Variants in SHISAL2A observed in about 807,000 individuals in gnomAD.
SHISAL2A encodes shisa like 2A.
In SHISAL2A, 18 loss-of-function variants were observed where a neutral mutation model predicts 11.5. The ratio of observed to expected loss-of-function variants is 1.57; its 90% CI spans 1.08 to 2.33. SHISAL2A has a LOEUF of 2.33. Ranked by LOEUF, SHISAL2A falls within the 30% of genes most tolerant of loss-of-function variation. The probability of loss-of-function intolerance (pLI) is 0.00; values close to 1 mark genes in which losing one functional copy is unlikely to be tolerated. For synonymous variants in SHISAL2A, 94 were observed against 99.6 expected (o/e 0.94, Z 0.34); for missense variants, 261 against 250.9 (o/e 1.04, Z -0.27).
chr1:52,641,395 A>G (rs1342993876), intron 1 of SHISAL2A, among the ~76,000 whole-genome samples: 1 of 152,178 alleles, frequency 6.6e-6, no homozygotes, highest in Non-Finnish European at 1.5e-5. Context: ...TGGTTCCAGA[A>G]TTGATGGTGT....
intron 4 of SHISAL2A, chr1:52,667,373 TG>T: frequency 1.0e-6 from 1 of 983,550 alleles, no homozygotes; most frequent in Non-Finnish European, 1.2e-6. Context: ...TTCAAAGATT[TG>T]TTCACATTCT....
chr1:52,645,019 A>G (rs1691465613), intron 2 of SHISAL2A, among the ~76,000 whole-genome samples: 1 of 141,426 alleles, frequency 7.1e-6, no homozygotes, highest in African/African-American at 2.7e-5. Context: ...TCTGTCTCCA[A>G]AAAAAAAAAA....
At chr1:52,650,118 A>G (rs1259286623) in intron 2 of SHISAL2A, among the ~76,000 whole-genome samples, 2 of 152,186 alleles carry the variant, frequency 1.3e-5, no homozygotes, top group Non-Finnish European at 1.5e-5. Context: ...AGGCTCAGTC[A>G]TGTCACCCCA....
chr1:52,636,873 G>A (rs1254574219), intron 1 of SHISAL2A, among the ~76,000 whole-genome samples: 1 of 152,172 alleles, frequency 6.6e-6, no homozygotes, highest in Non-Finnish European at 1.5e-5. Context: ...TTAACAACCT[G>A]ATCCACTCAG....
intron 2 of SHISAL2A, among the ~76,000 whole-genome samples, chr1:52,645,088 A>G (rs1005058519): frequency 2.0e-5 from 3 of 152,010 alleles, no homozygotes; most frequent in African/African-American, 7.2e-5. Context: ...TAGAAGGGGC[A>G]AGGTGGGTAG....
At chr1:52,635,206 TATTC>T (rs1374829160) in intron 1 of SHISAL2A, among the ~76,000 whole-genome samples, 1 of 152,210 alleles carries the variant, frequency 6.6e-6, no homozygotes, top group African/African-American at 2.4e-5. Context: ...GATACAATGG[TATTC>T]ACTTGACAAG....
At chr1:52,644,972 G>A (rs1418994837) in intron 2 of SHISAL2A, among the ~76,000 whole-genome samples, 2 of 150,690 alleles carry the variant, frequency 1.3e-5, no homozygotes, top group Non-Finnish European at 3.0e-5. Flanking sequence ...AGCAGAAATT[G>A]CGCCACTGCA....
chr1:52,637,789 GACT>G (rs1031643910), intron 1 of SHISAL2A, among the ~76,000 whole-genome samples: 63 of 152,294 alleles, frequency 4.1e-4, no homozygotes, highest in African/African-American at 1.5e-3. Flanking sequence ...AGAACTACCT[GACT>G]CCAAAGCCCT....
chr1:52,662,242 A>G (rs1571704261), intron 4 of SHISAL2A, among the ~76,000 whole-genome samples: 1 of 152,302 alleles, frequency 6.6e-6, no homozygotes, highest in East Asian at 1.9e-4. Flanking sequence ...TGGAGGAAGC[A>G]GGGGTTGAAC....
chr1:52,652,233 G>C (rs1015115738), intron 2 of SHISAL2A, among the ~76,000 whole-genome samples: 5 of 152,170 alleles, frequency 3.3e-5, no homozygotes, highest in Admixed American at 3.3e-4. Flanking sequence ...GGTTGTTCTG[G>C]GACAAGAGGA....
chr1:52,645,862 G>A (rs1052530195), intron 2 of SHISAL2A, among the ~76,000 whole-genome samples: 13 of 152,220 alleles, frequency 8.5e-5, no homozygotes, highest in African/African-American at 2.9e-4. Context: ...ATGTTTCATG[G>A]AATTTGTCAA....
At chr1:52,666,355 G>A (rs913505528) in intron 4 of SHISAL2A, among the ~76,000 whole-genome samples, 7 of 152,072 alleles carry the variant, frequency 4.6e-5, no homozygotes, top group African/African-American at 1.7e-4. Flanking sequence ...GGGAGGCTGA[G>A]GCAGGAGAAT....
At chr1:52,649,563 C>G (rs1691580851) in intron 2 of SHISAL2A, among the ~76,000 whole-genome samples, 1 of 152,202 alleles carries the variant, frequency 6.6e-6, no homozygotes, top group Admixed American at 6.5e-5. Context: ...CACACCCATC[C>G]CATCCCCAAA....
intron 2 of SHISAL2A, among the ~76,000 whole-genome samples, chr1:52,645,583 A>AT (rs1357155353): frequency 4.6e-5 from 7 of 151,472 alleles, no homozygotes; most frequent in African/African-American, 1.7e-4. Flanking sequence ...AATTTTTTGT[A>AT]TTTTTAGTAG....
chr1:52,641,315 G>T (rs962431050), intron 1 of SHISAL2A, among the ~76,000 whole-genome samples: 4 of 152,178 alleles, frequency 2.6e-5, no homozygotes, highest in African/African-American at 9.7e-5. Context: ...CAATTGGTAT[G>T]GGAGGGCAGG....
At chr1:52,643,127 C>A in intron 2 of SHISAL2A, 125 bp downstream of exon 2, 1 of 912,284 alleles carries the variant, frequency 1.1e-6, no homozygotes, top group Non-Finnish European at 1.7e-6. Flanking sequence ...GCAGAAGCAG[C>A]GGCACATTTT....
intron 2 of SHISAL2A, among the ~76,000 whole-genome samples, chr1:52,648,324 T>TA (rs1691549268): frequency 1.3e-5 from 2 of 152,142 alleles, no homozygotes; most frequent in Non-Finnish European, 2.9e-5. Context: ...AACTGTGGTA[T>TA]AATAGAATAA....
chr1:52,654,571 T>A (rs1205251217), intron 2 of SHISAL2A, among the ~76,000 whole-genome samples: 1 of 152,170 alleles, frequency 6.6e-6, no homozygotes, highest in Non-Finnish European at 1.5e-5. Context: ...TTTCAATAAA[T>A]GGTGTTAAAA....
chr1:52,659,148 C>A (rs1003236280), downstream of SHISAL2A, among the ~76,000 whole-genome samples: 6 of 152,014 alleles, frequency 3.9e-5, no homozygotes, highest in African/African-American at 1.4e-4. Context: ...TCACTGCAAC[C>A]TCAAACTCCT....
Sources: gnomAD v4.1 joint callset for allele counts (sites outside exome capture counted in the v4.1 genomes callset) on GRCh38, gnomAD v4.1.1 for gene constraint, MANE v1.5 for transcripts, NCBI Gene and HGNC (gene_info 2026-07-23, HGNC 2026-07-21) for gene names.